Variants in MAGI1 observed in about 807,000 individuals in gnomAD.
The protein encoded by MAGI1 is membrane-associated guanylate kinase, WW and PDZ domain-containing protein 1.
MAGI1 carries 58 observed loss-of-function variants against 139.9 expected under a neutral mutation model. That is an observed-to-expected ratio of 0.41 (90% CI 0.34 to 0.52). The LOEUF (loss-of-function observed/expected upper bound fraction) is 0.52. MAGI1 is among the 20% of genes least tolerant of loss of function. The pLI, the probability that MAGI1 is intolerant of heterozygous loss-of-function variation, is 0.12. For missense variants in MAGI1, 1,874 were observed against 1,901.6 expected, an observed-to-expected ratio of 0.99 and a Z score of 0.27; for synonymous variants, 812 against 737.9, an observed-to-expected ratio of 1.10 and a Z score of -1.63.
intron 1 of MAGI1, among the ~76,000 whole-genome samples, chr3:65,902,433 G>A (rs890245899): frequency 2.0e-5 from 3 of 152,152 alleles, no homozygotes; most frequent in Admixed American, 6.5e-5. Context: ...CCCTAGACAC[G>A]GACTTGAGAA....
rs114582542 is a variant in MAGI1, at chr3:65,503,945, T to C, written c.431-10314A>G. 3.8e-3 allele frequency among the ~76,000 whole-genome samples: 574 copies of C among 152,316 alleles called. 3 individuals are homozygous for C. Among genetic ancestry groups the C allele is most frequent in the African/African-American group, 0.013 (550 of 41,562 alleles). On this transcript the variant is annotated intron_variant, in intron 2 of 22. Coordinates refer to ENST00000402939, the MANE Select transcript of MAGI1 (RefSeq NM_001033057.2). ...GAAGCCAGGTGCTCTCAGTTAAGTG[T>C]AAACATGTTACCTTTCAAGGAGATC...
chr3:65,387,974 T>C (rs1217727010), intron 14 of MAGI1, among the ~76,000 whole-genome samples: 2 of 152,260 alleles, frequency 1.3e-5, no homozygotes, highest in African/African-American at 4.8e-5. Context: ...ATTTCTTTTG[T>C]AGTAAATGCT....
intron 4 of MAGI1, among the ~76,000 whole-genome samples, chr3:65,473,639 CAAA>C (rs35970775): frequency 1.1e-5 from 1 of 87,356 alleles, no homozygotes; most frequent in South Asian, 4.1e-4. Context: ...TACATGTTTA[CAAA>C]AAAAAAAAAA....
chr3:65,790,250 G>GA (rs571735491), intron 1 of MAGI1, among the ~76,000 whole-genome samples: 1 of 152,074 alleles, frequency 6.6e-6, no homozygotes, highest in Non-Finnish European at 1.5e-5. Context: ...CCCATAGTGA[G>GA]AAAAAAGGAA....
rs115067920 is a variant in MAGI1 at position 65,785,637 on chromosome 3, G to A, written c.314-163549C>T. Among the ~76,000 whole-genome samples, 912 of 152,236 alleles carry A rather than the reference G, an allele frequency of 6.0e-3. 5 individuals are homozygous for A. The highest frequency in any genetic ancestry group is 0.027 in the Middle Eastern group (8 of 294). ...ATAAATACGTGGTCTCTGGTTCTCTGTTCTATCTCTAGCACCTGGAACCAT... is the reference window on the plus strand; with the variant it reads ...ATAAATACGTGGTCTCTGGTTCTCTATTCTATCTCTAGCACCTGGAACCAT... On this transcript the variant is annotated intron_variant, in intron 1 of 22. Coordinates refer to ENST00000402939, the MANE Select transcript of MAGI1 (RefSeq NM_001033057.2).
rs896095943 is a variant in MAGI1 at position 66,038,444 on chromosome 3, G to A, written c.-136C>T. On this transcript the variant is annotated 5_prime_UTR_variant, in exon 1 of 23. Coordinates refer to ENST00000402939, the MANE Select transcript of MAGI1 (RefSeq NM_001033057.2). ...CAAAACAGGAGAGAGAAACTTGGCAGCCTCGCTCCCCTGCACACGCTCGCG... is the reference window on the plus strand; with the variant it reads ...CAAAACAGGAGAGAGAAACTTGGCAACCTCGCTCCCCTGCACACGCTCGCG... The A allele has an allele frequency of 6.5e-5, 81 of 1,246,692 alleles. 1 individual carries two copies. Among genetic ancestry groups the A allele is most frequent in the Non-Finnish European group, 4.6e-5 (43 of 935,220 alleles). The allele number at this position is 1,246,692 out of a possible 1,614,324, so 77.2% of individuals were successfully genotyped here. A position where few individuals can be genotyped will look rare whatever the true frequency, so the allele number is the denominator to read the frequency against.
chr3:65,623,433 GA>G (rs2083795764), intron 1 of MAGI1, among the ~76,000 whole-genome samples: 1 of 152,172 alleles, frequency 6.6e-6, no homozygotes, highest in African/African-American at 2.4e-5. Flanking sequence ...CAGTCTACAG[GA>G]TCAACAGAAG....
intron 2 of MAGI1, among the ~76,000 whole-genome samples, chr3:65,538,022 C>A (rs565435811): frequency 1.1e-4 from 17 of 152,230 alleles, no homozygotes; most frequent in African/African-American, 4.1e-4. Flanking sequence ...GTAATCCCAG[C>A]TACTTTGAAG....
chr3:65,357,755 C>T (rs563183105), intron 22 of MAGI1, among the ~76,000 whole-genome samples: 1 of 152,012 alleles, frequency 6.6e-6, no homozygotes, highest in Admixed American at 6.6e-5. Context: ...CAGAAGTATA[C>T]TTCTATTTAA....
intron 2 of MAGI1, among the ~76,000 whole-genome samples, chr3:65,508,720 T>C (rs1424780026): frequency 6.6e-6 from 1 of 152,234 alleles, no homozygotes; most frequent in Non-Finnish European, 1.5e-5. Context: ...TAATTTTCAT[T>C]AAAAGGAAAT....
intron 1 of MAGI1, among the ~76,000 whole-genome samples, chr3:65,782,264 G>A (rs2038993187): frequency 6.6e-6 from 1 of 152,118 alleles, no homozygotes; most frequent in African/African-American, 2.4e-5. Flanking sequence ...ATAAGCATCT[G>A]TAAAAGATAA....
rs534009857 is a variant in MAGI1 at position 65,761,045 on chromosome 3, A to G, written c.314-138957T>C. Among the ~76,000 whole-genome samples the G allele has an allele frequency of 8.5e-5, 13 of 152,308 alleles. No homozygotes were observed. The South Asian group carries it at 2.5e-3, about 29-fold the overall frequency. ...CCTGAAGACAGAATCAGAGATCCCA[A>G]ACACTGAAGTTACGCAGATATCTGA... is the stretch of plus-strand genomic sequence containing the variant. On this transcript the variant is annotated intron_variant, in intron 1 of 22. Transcript: ENST00000402939.
chr3:65,675,721 A>C (rs1426714273), intron 1 of MAGI1, among the ~76,000 whole-genome samples: 1 of 152,254 alleles, frequency 6.6e-6, no homozygotes, highest in African/African-American at 2.4e-5. Flanking sequence ...GCTAAAAACA[A>C]GACAAAATCA....
intron 8 of MAGI1, among the ~76,000 whole-genome samples, chr3:65,440,624 C>T (rs6798518): frequency 0.68 from 103,820 of 151,942 alleles, 36,066 homozygotes; most frequent in East Asian, 0.95. Flanking sequence ...AAACAAAGAA[C>T]TCCACTCACA....
chr3:65,480,337 A>G (rs920211459), intron 3 of MAGI1, among the ~76,000 whole-genome samples: 1 of 151,990 alleles, frequency 6.6e-6, no homozygotes, highest in Non-Finnish European at 1.5e-5. Context: ...GTTCAAGACC[A>G]GCCTGGGCAA....
At chr3:65,670,281 T>C (rs913514683) in intron 1 of MAGI1, among the ~76,000 whole-genome samples, 6 of 151,978 alleles carry the variant, frequency 3.9e-5, no homozygotes, top group African/African-American at 1.4e-4. Flanking sequence ...TTTTGAAGAC[T>C]CCTCATATAT....
intron 2 of MAGI1, among the ~76,000 whole-genome samples, chr3:65,558,870 A>C (rs1034631240): frequency 1.1e-4 from 16 of 152,228 alleles, no homozygotes; most frequent in African/African-American, 3.9e-4. Context: ...TACAAATCCA[A>C]ATATTTGTTC....
intron 2 of MAGI1, among the ~76,000 whole-genome samples, chr3:65,579,710 G>A (rs2081330774): frequency 6.6e-6 from 1 of 152,042 alleles, no homozygotes; most frequent in African/African-American, 2.4e-5. Flanking sequence ...AGCCGGGAGT[G>A]GTGACAGGAG....
At chr3:65,573,035 A>C (rs1356501577) in intron 2 of MAGI1, among the ~76,000 whole-genome samples, 1 of 152,144 alleles carries the variant, frequency 6.6e-6, no homozygotes, top group Non-Finnish European at 1.5e-5. Flanking sequence ...ATATGAAGAC[A>C]AAGTTACTCA....
Sources: gnomAD v4.1 joint callset for allele counts (sites outside exome capture counted in the v4.1 genomes callset) on GRCh38, gnomAD v4.1.1 for gene constraint, MANE v1.5 for transcripts, NCBI Gene and HGNC (gene_info 2026-07-23, HGNC 2026-07-21) for gene names.